The following SASH1 variants were observed in gnomAD, a reference collection of about 807,000 sequenced individuals.
SASH1 encodes SAM and SH3 domain containing 1.
A neutral mutation model predicts 125.2 loss-of-function variants in SASH1; 44 were observed. That is an observed-to-expected ratio of 0.35 (90% CI 0.28 to 0.45). The LOEUF is 0.45. Ranked by LOEUF, SASH1 falls within the 20% of genes least tolerant of loss-of-function variation. The pLI, the probability that SASH1 is intolerant of heterozygous loss-of-function variation, is 1.00. For missense variants in SASH1, 1,426 were observed against 1,614.5 expected (o/e 0.88, Z 2.00); for synonymous variants, 639 against 649.1 (o/e 0.98, Z 0.24).
chr6:148,268,038 G>A (rs1309668550), upstream of SASH1, among the ~76,000 whole-genome samples: 4 of 152,076 alleles, frequency 2.6e-5, no homozygotes, highest in African/African-American at 9.7e-5. Context: ...TAAATAATAC[G>A]ACTTTTAGCT....
the SASH1 span, among the ~76,000 whole-genome samples, chr6:148,212,519 G>A: frequency 3.3e-5 from 5 of 152,192 alleles, no homozygotes; most frequent in South Asian, 2.1e-4. Context: ...CTGAATTGAC[G>A]TAAGGCTGTC....
At chr6:148,393,996 A>G (rs1444958811) in intron 2 of SASH1, among the ~76,000 whole-genome samples, 1 of 147,066 alleles carries the variant, frequency 6.8e-6, no homozygotes, top group Non-Finnish European at 1.5e-5. Context: ...GGGTTTAAGT[A>G]GTTCTCTTGC....
At chr6:148,423,139 A>C (rs567196381) in intron 2 of SASH1, among the ~76,000 whole-genome samples, 4 of 152,162 alleles carry the variant, frequency 2.6e-5, no homozygotes, top group Admixed American at 6.5e-5. Flanking sequence ...GGGTTTCACC[A>C]TGTTGGCCAG....
intron 1 of SASH1, among the ~76,000 whole-genome samples, chr6:148,363,609 C>T (rs941488239): frequency 3.3e-5 from 5 of 152,050 alleles, no homozygotes; most frequent in Admixed American, 1.3e-4. Flanking sequence ...ACCATCTTGG[C>T]CATGCTGGTC....
At chr6:148,225,082 C>A in the SASH1 span, among the ~76,000 whole-genome samples, 8 of 152,224 alleles carry the variant, frequency 5.3e-5, no homozygotes, top group East Asian at 1.4e-3. Context: ...GGAAGGCAAA[C>A]AGAGCAAGAG....
intron 1 of SASH1, 95 bp downstream of exon 1, chr6:148,343,318 C>A: frequency 8.0e-7 from 1 of 1,243,984 alleles, no homozygotes; most frequent in Non-Finnish European, 1.1e-6. Context: ...ACTGGGCAAC[C>A]CACTCCGCAG....
chr6:148,266,511 A>G, the SASH1 span, among the ~76,000 whole-genome samples: 2 of 152,318 alleles, frequency 1.3e-5, no homozygotes, highest in East Asian at 3.9e-4. Flanking sequence ...CTCTTAGCAC[A>G]ATGTATACAA....
At chr6:148,511,572 A>C (rs1016854942) in intron 8 of SASH1, among the ~76,000 whole-genome samples, 1 of 152,180 alleles carries the variant, frequency 6.6e-6, no homozygotes, top group Middle Eastern at 3.2e-3. Context: ...ACAAAGAAGT[A>C]TAATTCAAAG....
chr6:148,504,850 C>T (rs1277103467), intron 8 of SASH1, among the ~76,000 whole-genome samples: 2 of 152,122 alleles, frequency 1.3e-5, no homozygotes, highest in Admixed American at 1.3e-4. Context: ...CTGAATGACT[C>T]CCTGAGAGGC....
In SASH1 at chr6:148,532,725, C is replaced by A; in HGVS notation, c.1565-72C>A. 1 of 1,557,146 alleles carries A rather than the reference C, an allele frequency of 6.4e-7. No homozygotes were observed. The highest frequency in any genetic ancestry group is 1.2e-5 in the South Asian group (1 of 85,996). On this transcript the variant is annotated intron_variant, in intron 13 of 19. Coordinates refer to ENST00000367467, the MANE Select transcript of SASH1 (RefSeq NM_015278.5). The surrounding 1 kb of genome is among the most constrained non-coding windows in gnomAD (Gnocchi z 4.7). ...GCCTTCATTTCCTAATCTGCCATAC[C>A]TTCAATACCTTTCTGCTTTGCTGGG...
chr6:148,222,180 C>T, the SASH1 span, among the ~76,000 whole-genome samples: 7 of 152,164 alleles, frequency 4.6e-5, no homozygotes, highest in African/African-American at 1.7e-4. Flanking sequence ...TGCAATGGAG[C>T]CCCTTAGGTA....
At chr6:148,408,586 C>T (rs924643158) in intron 2 of SASH1, among the ~76,000 whole-genome samples, 6 of 152,168 alleles carry the variant, frequency 3.9e-5, no homozygotes, top group Non-Finnish European at 7.3e-5. Flanking sequence ...AATCCCTTAT[C>T]AGATATGATT....
chr6:148,306,972 C>T (rs565060282), intron 1 of SASH1, among the ~76,000 whole-genome samples: 2 of 152,222 alleles, frequency 1.3e-5, no homozygotes, highest in South Asian at 4.1e-4. Flanking sequence ...CTTGAGTGAC[C>T]CAGAGAACTG....
intron 1 of SASH1, among the ~76,000 whole-genome samples, chr6:148,327,267 G>A (rs1175303963): frequency 1.3e-5 from 2 of 151,762 alleles, no homozygotes; most frequent in African/African-American, 2.4e-5. Context: ...ATGAATGAAT[G>A]ACACATACAA....
chr6:148,221,364 G>A, the SASH1 span, among the ~76,000 whole-genome samples: 1 of 152,202 alleles, frequency 6.6e-6, no homozygotes, highest in Admixed American at 6.5e-5. Flanking sequence ...AACAGAGCTT[G>A]CTTAGTACTG....
chr6:148,533,302 AT>A lies in SASH1; in HGVS notation c.1734+339del, dbSNP rs1781634882. On this transcript the variant is annotated intron_variant, in intron 14 of 19. Coordinates refer to ENST00000367467, the MANE Select transcript of SASH1 (RefSeq NM_015278.5). The surrounding 1 kb of genome is among the most constrained non-coding windows in gnomAD (Gnocchi z 6.2). ...CTGTGTTTTCTCCATCTGAAGAAAGATTTCTGCCTTCTGTGTGCTCAGAGGT... is the reference window on the plus strand; with the variant it reads ...CTGTGTTTTCTCCATCTGAAGAAAGATTCTGCCTTCTGTGTGCTCAGAGGT... Among the ~76,000 whole-genome samples, 1 of 152,038 alleles carries A rather than the reference AT, an allele frequency of 6.6e-6. No individual in the cohort carries two copies. The highest frequency in any genetic ancestry group is 1.9e-4 in the East Asian group (1 of 5,168).
Position 148,390,207 on chromosome 6 carries a change from T to G in SASH1, c.230T>G (p.Val77Gly), listed in dbSNP as rs1248647731. 1 of 1,613,186 alleles carries G rather than the reference T, an allele frequency of 6.2e-7. No homozygotes were observed. The highest frequency in any genetic ancestry group is 2.2e-5 in the East Asian group (1 of 44,868). The change falls in exon 2 of 20, where the codon GTG becomes GGG. Residue 77 changes from valine (V) to glycine (G), a missense_variant. Val to Gly is a moderately radical substitution (Grantham distance 109). This residue lies in a region of SASH1 where 567 missense variants were observed against 575.6 expected (regional missense o/e 0.99). Transcript: ENST00000367467. ...TATTACAACACCTGTTTCTCCGACG[T>G]GTGCGAGAGGATGGAGGAGCTGCGG... ...ADYYNTCFSDVCERMEELRKR... is the reference protein window; with the variant it reads ...ADYYNTCFSDGCERMEELRKR...
intron 1 of SASH1, among the ~76,000 whole-genome samples, chr6:148,387,671 T>C (rs556175769): frequency 8.9e-5 from 10 of 112,482 alleles, no homozygotes; most frequent in African/African-American, 3.3e-4. Context: ...TTTCTTTCTT[T>C]CTTTCTTTCT....
At chr6:148,229,133 C>CAAAAAA in the SASH1 span, among the ~76,000 whole-genome samples, 35 of 60,908 alleles carry the variant, frequency 5.7e-4, no homozygotes, top group African/African-American at 1.7e-3. Context: ...GACTCCATCT[C>CAAAAAA]AAAAAAAAAA....
Sources: gnomAD v4.1 joint callset for allele counts (sites outside exome capture counted in the v4.1 genomes callset) on GRCh38, gnomAD v4.1.1 for gene constraint, gnomAD v4.1.1 regional missense constraint, Gnocchi (gnomAD v3.1) non-coding constraint, MANE v1.5 for transcripts, NCBI Gene and HGNC (gene_info 2026-07-23, HGNC 2026-07-21) for gene names.